Variants in KLHL1 observed in about 807,000 individuals in gnomAD.
The protein encoded by KLHL1 is kelch like family member 1, also known as kelch-like protein 1.
KLHL1 carries 47 observed loss-of-function variants against 77.7 expected under a neutral mutation model. The observed-to-expected ratio is 0.60, with a 90% confidence interval of 0.48 to 0.77. The LOEUF is 0.77. Among genes scored for constraint, KLHL1 ranks in the 30% least tolerant of loss-of-function variants. The pLI, the probability that KLHL1 is intolerant of heterozygous loss-of-function variation, is 0.00. For synonymous variants in KLHL1, 360 were observed against 325.2 expected (o/e 1.11, Z -1.15); for missense variants, 925 against 910.8 (o/e 1.02, Z -0.20).
chr13:69,983,278 G>T (rs1254129231), intron 1 of KLHL1, among the ~76,000 whole-genome samples: 1 of 152,006 alleles, frequency 6.6e-6, no homozygotes, highest in Non-Finnish European at 1.5e-5. Context: ...CACCTACAGT[G>T]ATCTGCAGAT....
chr13:70,021,612 A>G (rs538244978), intron 1 of KLHL1, among the ~76,000 whole-genome samples: 3 of 152,038 alleles, frequency 2.0e-5, no homozygotes, highest in African/African-American at 7.2e-5. Context: ...TAGCTGTGCT[A>G]TTTTGTATTC....
At chr13:69,768,018 ATTTG>A (rs1313734551) in intron 7 of KLHL1, among the ~76,000 whole-genome samples, 2 of 152,336 alleles carry the variant, frequency 1.3e-5, no homozygotes, top group East Asian at 1.9e-4. Flanking sequence ...AGTAAAATAC[ATTTG>A]TTTGTATGTT....
intron 4 of KLHL1, among the ~76,000 whole-genome samples, chr13:69,939,747 C>T (rs528769999): frequency 2.5e-4 from 38 of 152,132 alleles, no homozygotes; most frequent in Admixed American, 2.4e-3. Context: ...CTCCTCATAC[C>T]TCACCCTACA....
chr13:69,837,260 G>A (rs1879034537), intron 6 of KLHL1, among the ~76,000 whole-genome samples: 1 of 151,704 alleles, frequency 6.6e-6, no homozygotes, highest in Admixed American at 6.6e-5. Flanking sequence ...GTATGTGGGT[G>A]CTAATGGTGG....
At chr13:69,914,391 C>G (rs1882348911) in intron 4 of KLHL1, among the ~76,000 whole-genome samples, 1 of 151,950 alleles carries the variant, frequency 6.6e-6, no homozygotes, top group Admixed American at 6.6e-5. Flanking sequence ...CATTTGTCTC[C>G]ATGGAATAGA....
At chr13:69,725,540 G>A (rs1435126326) in intron 8 of KLHL1, among the ~76,000 whole-genome samples, 1 of 152,118 alleles carries the variant, frequency 6.6e-6, no homozygotes, top group African/African-American at 2.4e-5. Flanking sequence ...CTAAAAATGT[G>A]TGTTTATATT....
Position 70,082,311 on chromosome 13 carries a change from TCACACACACACACACACACACA to T in KLHL1, c.497+24870_497+24891del, listed in dbSNP as rs4053611. On this transcript the variant is annotated intron_variant, in intron 1 of 10. Coordinates refer to ENST00000377844, the MANE Select transcript of KLHL1 (RefSeq NM_020866.3). The stretch of plus-strand genomic sequence containing the variant: ...CAGGAGCCCTTCCTCCTTGGACCTG[TCACACACACACACACACACACA>T]CACACACACACACACACACACACAC... 1.6e-3 allele frequency among the ~76,000 whole-genome samples: 183 copies of T among 111,024 alleles called. 3 individuals are homozygous for T. In the East Asian group the frequency reaches 0.017, roughly 10 times the overall value. 72.8% of individuals were successfully genotyped at this position (111,024 alleles called of 152,430 possible).
intron 8 of KLHL1, among the ~76,000 whole-genome samples, chr13:69,730,684 A>ACCTCAGCC (rs1168515442): frequency 2.6e-5 from 4 of 151,858 alleles, no homozygotes; most frequent in Admixed American, 1.3e-4. Context: ...TAATCCTCTC[A>ACCTCAGCC]CCTCAGCCCC....
In KLHL1 at chr13:69,841,572, A is replaced by T. The variant is rs546999680; in HGVS notation, c.1228-2410T>A. On this transcript the variant is annotated intron_variant, in intron 5 of 10. Transcript: ENST00000377844. The stretch of plus-strand genomic sequence containing the variant: ...GAAATTGAAGATAACACAAACAAAT[A>T]AAAAAAATCCCATGCTCACAGATCA... 1.2e-3 allele frequency among the ~76,000 whole-genome samples: 181 copies of T among 151,808 alleles called. 2 individuals carry two copies. The highest frequency in any genetic ancestry group is 4.2e-3 in the African/African-American group (175 of 41,508).
chr13:69,804,350 G>A (rs374023325), intron 6 of KLHL1, among the ~76,000 whole-genome samples: 2 of 151,974 alleles, frequency 1.3e-5, no homozygotes, highest in East Asian at 3.9e-4. Context: ...CTCTAGTTTG[G>A]CAATACAGAC....
chr13:70,088,137 C>T (rs1887589525), intron 1 of KLHL1, among the ~76,000 whole-genome samples: 1 of 152,048 alleles, frequency 6.6e-6, no homozygotes, highest in Admixed American at 6.6e-5. Flanking sequence ...ATAATGAGCG[C>T]CACGAACTTT....
intron 4 of KLHL1, among the ~76,000 whole-genome samples, chr13:69,891,147 G>A (rs936989429): frequency 2.6e-5 from 4 of 151,870 alleles, no homozygotes; most frequent in Admixed American, 6.6e-5. Flanking sequence ...GTTATCATAC[G>A]CATAAACCCT....
At chr13:69,978,987 T>C (rs1348531787) in intron 1 of KLHL1, among the ~76,000 whole-genome samples, 1 of 151,862 alleles carries the variant, frequency 6.6e-6, no homozygotes, top group Non-Finnish European at 1.5e-5. Flanking sequence ...GGGCTGGGGG[T>C]CATAGTATTT....
intron 1 of KLHL1, among the ~76,000 whole-genome samples, chr13:70,073,758 G>T (rs1322143216): frequency 6.6e-6 from 1 of 152,028 alleles, no homozygotes; most frequent in African/African-American, 2.4e-5. Flanking sequence ...GCTTGGGTGA[G>T]AGGGTGAGAC....
chr13:69,947,360 ATGTG>A (rs1883565156), intron 3 of KLHL1, among the ~76,000 whole-genome samples: 1 of 151,928 alleles, frequency 6.6e-6, no homozygotes, highest in Non-Finnish European at 1.5e-5. Flanking sequence ...ATTTCTTTAT[ATGTG>A]TGTGTATTTT....
chr13:69,789,049 ATCTATCT>A (rs1876723570), intron 7 of KLHL1, among the ~76,000 whole-genome samples: 1 of 151,726 alleles, frequency 6.6e-6, no homozygotes, highest in Non-Finnish European at 1.5e-5. Flanking sequence ...CTATCTATCT[ATCTATCT>A]ATCTATCTAC....
chr13:69,754,503 T>C (rs1051458451), intron 7 of KLHL1, among the ~76,000 whole-genome samples: 1 of 152,124 alleles, frequency 6.6e-6, no homozygotes, highest in African/African-American at 2.4e-5. Context: ...CATATGAAAA[T>C]TGTTATTATT....
chr13:70,019,515 A>G (rs1360427158), intron 1 of KLHL1, among the ~76,000 whole-genome samples: 1 of 152,146 alleles, frequency 6.6e-6, no homozygotes, highest in Non-Finnish European at 1.5e-5. Flanking sequence ...TCAAAGAACA[A>G]TAGTACCATT....
In KLHL1 at chr13:69,867,909, G is replaced by A. The variant is rs1880427792; in HGVS notation, c.1227+14374C>T. 5.3e-5 allele frequency among the ~76,000 whole-genome samples: 8 copies of A among 151,462 alleles called. No individual in the cohort carries two copies. In the South Asian group the frequency reaches 1.5e-3, roughly 28 times the overall value. On this transcript the variant is annotated intron_variant, in intron 5 of 10. Coordinates refer to ENST00000377844, the MANE Select transcript of KLHL1 (RefSeq NM_020866.3). ...GGAGATATACCTAATGTTAAATAAC[G>A]AGTTAATGGGTGCAGCACACCAACA...
Sources: gnomAD v4.1 joint callset for allele counts (sites outside exome capture counted in the v4.1 genomes callset) on GRCh38, gnomAD v4.1.1 for gene constraint, MANE v1.5 for transcripts, NCBI Gene and HGNC (gene_info 2026-07-23, HGNC 2026-07-21) for gene names.